MYO15A: variants seen among roughly 807,000 people sequenced by gnomAD.
MYO15A encodes the protein myosin XVA, also known as unconventional myosin-XV.
MYO15A carries 308 observed loss-of-function variants against 394.6 expected under a neutral mutation model. The ratio of observed to expected loss-of-function variants is 0.78; its 90% CI spans 0.71 to 0.86. MYO15A has a LOEUF of 0.86. Ranked by LOEUF, MYO15A falls within the 40% of genes least tolerant of loss-of-function variation. The probability of loss-of-function intolerance (pLI) is 0.00; values close to 1 mark genes in which losing one functional copy is unlikely to be tolerated. For synonymous variants in MYO15A, 1,957 were observed against 2,003.8 expected, an observed-to-expected ratio of 0.98 and a Z score of 0.62; for missense variants, 4,606 against 4,799.1, an observed-to-expected ratio of 0.96 and a Z score of 1.19.
Position 18,119,510 on chromosome 17 carries a change from A to T in MYO15A, c.710A>T (p.Asp237Val). Reference sequence around the variant, plus strand: ...TTCCAGGACCTGGGCGAGTATTATGACTATCACCGCGACGGCGACGACTAC... The same window carrying T: ...TTCCAGGACCTGGGCGAGTATTATGTCTATCACCGCGACGGCGACGACTAC... ...EGFQDLGEYYDYHRDGDDYYD... is the reference protein window; with the variant it reads ...EGFQDLGEYYVYHRDGDDYYD... The change falls in exon 2 of 66, where the codon GAC (aspartate) becomes GTC (valine). Residue 237 changes from aspartate to valine, a missense_variant. Physicochemically the swap from Asp to Val is radical, Grantham distance 152. This residue lies in a region of MYO15A where 1,830 missense variants were observed against 1,689.7 expected (regional missense o/e 1.08). Transcript: ENST00000647165. 1 of 1,611,906 alleles carries T rather than the reference A, an allele frequency of 6.2e-7. No individual in the cohort carries two copies. Among genetic ancestry groups the T allele is most frequent in the Non-Finnish European group, 8.5e-7 (1 of 1,179,954 alleles).
chr17:18,119,646 GC>G lies in MYO15A; in HGVS notation c.849del (p.Glu284ArgfsTer160). On this transcript the variant is annotated frameshift_variant, in exon 2 of 66. Transcript: ENST00000647165. LOFTEE classifies it high-confidence loss of function. ...ACGGCGACCACTACTACGGGTACCC[GC>G]CCGAGGATCCCTACGACTACTACCA... ...PYGDHYYGYP[P>X]EDPYDYYHPD... 1.2e-6 allele frequency: 2 copies of G among 1,603,664 alleles called. No homozygotes were observed. The highest frequency in any genetic ancestry group is 1.7e-6 in the Non-Finnish European group (2 of 1,179,882).
chr17:18,146,837 A>G (rs1390716872), intron 30 of MYO15A, among the ~76,000 whole-genome samples: 1 of 152,166 alleles, frequency 6.6e-6, no homozygotes, highest in Non-Finnish European at 1.5e-5. Flanking sequence ...AGGCAAGAGC[A>G]TTGCTTGAAC....
chr17:18,157,871 G>T lies in MYO15A; in HGVS notation c.8938G>T (p.Ala2980Ser). Residue 2980 changes from alanine to serine, a missense_variant, in exon 51 of 66, where the codon GCT (alanine) becomes TCT (serine). Physicochemically the swap from Ala to Ser is moderately conservative, Grantham distance 99. Transcript: ENST00000647165. ...AVAAAVASAA[A>S]AQEVGRRREG... is the part of the protein sequence containing the mutation. ...GGCCGCTGCTGTGGCCTCTGCAGCC[G>T]CTGCACAGGAGGTGGGCCGCAGGAG... 6.4e-7 allele frequency: 1 copy of T among 1,553,280 alleles called. No individual in the cohort carries two copies. Among genetic ancestry groups the T allele is most frequent in the Non-Finnish European group, 8.6e-7 (1 of 1,156,736 alleles).
At chr17:18,116,286 G>T (rs1343903110) in intron 1 of MYO15A, among the ~76,000 whole-genome samples, 1 of 152,226 alleles carries the variant, frequency 6.6e-6, no homozygotes, top group Non-Finnish European at 1.5e-5. Flanking sequence ...AGGTTGTGGG[G>T]TTAGCACGAC....
At chr17:18,122,527 G>A in intron 2 of MYO15A, 118 bp downstream of exon 2, 1 of 1,417,952 alleles carries the variant, frequency 7.1e-7, no homozygotes, top group Non-Finnish European at 9.3e-7. Flanking sequence ...TGGGGCCTCA[G>A]TCTCTGGGTC....
In MYO15A at chr17:18,147,511, T is replaced by C. The variant is rs1229371032; in HGVS notation, c.6510-518T>C. Among the ~76,000 whole-genome samples, 6 of 152,166 alleles carry C rather than the reference T, an allele frequency of 3.9e-5. No individual in the cohort carries two copies. The highest frequency in any genetic ancestry group is 2.9e-5 in the Non-Finnish European group (2 of 68,032). ...GAATGGCTGGTAGGGATTGGGCTCA[T>C]TGGGCCTGGGTTGAGTTGAACCCTC... On this transcript the variant is annotated intron_variant, in intron 30 of 65. Transcript: ENST00000647165. This position sits in a 1 kb window ranked among gnomAD's most constrained non-coding sequence, Gnocchi z 4.4.
rs886052676 is a variant in MYO15A, at chr17:18,148,859, C to T, written c.6863C>T (p.Ser2288Leu). 16 of 1,607,282 alleles carry T rather than the reference C, an allele frequency of 1.0e-5. No individual in the cohort carries two copies. The highest frequency in any genetic ancestry group is 4.0e-5 in the African/African-American group (3 of 74,792). Residue 2288 changes from serine to leucine, a missense_variant, in exon 33 of 66, where the codon TCG becomes TTG. Transcript: ENST00000647165. This position sits in a 1 kb window ranked among gnomAD's most constrained non-coding sequence, Gnocchi z 4.8. The stretch of plus-strand genomic sequence containing the variant: ...CACGACTACGTGTTAGACCTGGTGT[C>T]GGACCTGGAGCTGCTCAGGGACTTC... ...AGHDYVLDLV[S>L]DLELLRDFPR...
At chr17:18,163,217 C>T (rs374004957) in intron 58 of MYO15A, 27 bp from the exon 59 acceptor site, 232 of 1,610,420 alleles carry the variant, frequency 1.4e-4, no homozygotes, top group Non-Finnish European at 1.9e-4. Flanking sequence ...CCCAACCTGT[C>T]ATCCCTCTCC....
In MYO15A at chr17:18,122,258, G is replaced by T. The variant is rs370973719; in HGVS notation, c.3458G>T (p.Arg1153Leu). Residue 1153 changes from arginine (R) to leucine (L), a missense_variant, in exon 2 of 66, where the codon CGC becomes CTC. This residue lies in a region of MYO15A where 1,830 missense variants were observed against 1,689.7 expected (regional missense o/e 1.08). Coordinates refer to ENST00000647165, the MANE Select transcript of MYO15A (RefSeq NM_016239.4). ...QDPKPRACSL[R>L]WSCLWLRADA... ...CCCAAGCCAAGAGCCTGTAGTCTTC[G>T]CTGGTCCTGCCTCTGGCTTCGGGCA... 7 of 1,612,954 alleles carry T rather than the reference G, an allele frequency of 4.3e-6. No homozygotes were observed. The highest frequency in any genetic ancestry group is 5.9e-6 in the Non-Finnish European group (7 of 1,180,022).
At chr17:18,166,303 T>G in intron 60 of MYO15A, 58 bp from the exon 61 acceptor site, 1 of 1,598,708 alleles carries the variant, frequency 6.3e-7, no homozygotes. Context: ...TCTGTACAGG[T>G]GCACACATGT....
Position 18,126,773 on chromosome 17 carries a change from A to G in MYO15A, c.3867-18A>G, listed in dbSNP as rs1448476906. On this transcript the variant is annotated intron_variant, in intron 5 of 65. Coordinates refer to ENST00000647165, the MANE Select transcript of MYO15A (RefSeq NM_016239.4). ...GAGCTTAGAGGCAGGGGCCAGCTCTAATGACCTGTCTCCCCAGGCACCTCT... is the reference window on the plus strand; with the variant it reads ...GAGCTTAGAGGCAGGGGCCAGCTCTGATGACCTGTCTCCCCAGGCACCTCT... The G allele has an allele frequency of 3.1e-6, 5 of 1,613,648 alleles. No individual in the cohort carries two copies. The Admixed American group carries it at 5.0e-5, about 16-fold the overall frequency.
Position 18,153,681 on chromosome 17 carries a change from A to G in MYO15A, c.7967-94A>G. The stretch of plus-strand genomic sequence containing the variant: ...CCACTGCACTCTAGCCTGGGGGACA[A>G]CAGCGAAACTCCGTCTCAAAAATAT... On this transcript the variant is annotated intron_variant, in intron 42 of 65. Transcript: ENST00000647165. The surrounding 1 kb of genome is among the most constrained non-coding windows in gnomAD (Gnocchi z 4.1). The G allele has an allele frequency of 8.1e-7, 1 of 1,237,992 alleles. No homozygotes were observed. The highest frequency in any genetic ancestry group is 1.0e-6 in the Non-Finnish European group (1 of 963,684). The allele number at this position is 1,237,992 out of a possible 1,614,324, so 76.7% of individuals were successfully genotyped here.
chr17:18,171,544 T>C, intron 62 of MYO15A, 94 bp from the exon 63 acceptor site: 4 of 1,579,076 alleles, frequency 2.5e-6, no homozygotes, highest in Non-Finnish European at 3.5e-6. Context: ...GGGAGGTGCA[T>C]AGATCAGGAC....
In MYO15A at chr17:18,179,155, C is replaced by T; in HGVS notation, c.*285C>T. On this transcript the variant is annotated 3_prime_UTR_variant, in exon 66 of 66. Transcript: ENST00000647165. ...AAGGCAGGACCATGAGGCCTCCTGC[C>T]ATGTACCCATTGCAGACCCTGCCCC... is the stretch of plus-strand genomic sequence containing the variant. The T allele has an allele frequency of 1.9e-6, 1 of 526,814 alleles. No individual in the cohort carries two copies. 32.6% of individuals were successfully genotyped at this position (526,814 alleles called of 1,614,324 possible).
intron 42 of MYO15A, among the ~76,000 whole-genome samples, chr17:18,152,816 A>C (rs948082535): frequency 6.6e-5 from 10 of 152,110 alleles, no homozygotes; most frequent in African/African-American, 2.4e-4. Flanking sequence ...GCTCTTCCCC[A>C]AGACCTTTGC....
intron 65 of MYO15A, 44 bp downstream of exon 65, chr17:18,173,965 C>G (rs1194865244): frequency 6.3e-7 from 1 of 1,597,926 alleles, no homozygotes. Flanking sequence ...CTGGGCCCTT[C>G]TCTGGGCCTG....
rs2142355107 is a variant in MYO15A at position 18,146,040 on chromosome 17, T to A, written c.6442T>A (p.Trp2148Arg). ...CAATGCCCACAATGCTGAGCGGGGC[T>A]GGCTGCTGCTGGCCGCCTGCCTCAG... ...NHNAHNAERGWLLLAACLSGF... is the reference protein window; with the variant it reads ...NHNAHNAERGRLLLAACLSGF... Residue 2148 changes from tryptophan (W) to arginine (R), a missense_variant, in exon 30 of 66, where the codon TGG (tryptophan) becomes AGG (arginine). By Grantham distance (101) the Trp-to-Arg change is moderately radical. Transcript: ENST00000647165. 1 of 1,613,880 alleles carries A rather than the reference T, an allele frequency of 6.2e-7. No homozygotes were observed. The highest frequency in any genetic ancestry group is 8.5e-7 in the Non-Finnish European group (1 of 1,180,012).
Position 18,121,480 on chromosome 17 carries a change from C to T in MYO15A, c.2680C>T (p.Pro894Ser), listed in dbSNP as rs76707172. ...KPQVRLPFHR[P>S]PRAGAWRAPL... ...GCAAGTGCGCCTGCCCTTCCACCGA[C>T]CGCCCAGGGCCGGGGCCTGGCGGGC... Residue 894 changes from proline to serine, a missense_variant, in exon 2 of 66, where the codon CCG becomes TCG. By Grantham distance (74) the Pro-to-Ser change is moderately conservative. Around this residue, in one of 2 missense-constraint regions of MYO15A, gnomAD observed 1,830 missense variants for 1,689.7 expected, o/e 1.08. Transcript: ENST00000647165. The surrounding 1 kb of genome is among the most constrained non-coding windows in gnomAD (Gnocchi z 5.3). 2,326 of 1,550,662 alleles carry T rather than the reference C, an allele frequency of 1.5e-3. 31 individuals are homozygous for T. The African/African-American group carries it at 0.026, about 17-fold the overall frequency.
At chr17:18,128,234 TGAG>T in intron 7 of MYO15A, among the ~76,000 whole-genome samples, 1 of 151,974 alleles carries the variant, frequency 6.6e-6, no homozygotes, top group African/African-American at 2.4e-5. Context: ...GCAGGTTTGT[TGAG>T]AAGAGGTGTC....
Sources: gnomAD v4.1 joint callset for allele counts (sites outside exome capture counted in the v4.1 genomes callset) on GRCh38, gnomAD v4.1.1 for gene constraint, gnomAD v4.1.1 regional missense constraint, Gnocchi (gnomAD v3.1) non-coding constraint, MANE v1.5 for transcripts, NCBI Gene and HGNC (gene_info 2026-07-23, HGNC 2026-07-21) for gene names.